Variants in KHK observed in about 807,000 individuals in gnomAD.
KHK encodes fructokinase.
In KHK, 37 loss-of-function variants were observed where a neutral mutation model predicts 36.0. That is an observed-to-expected ratio of 1.03 (90% confidence interval 0.79 to 1.35). The LOEUF is 1.35. Ranked by LOEUF, KHK falls within the 40% of genes most tolerant of loss-of-function variation. The pLI, the probability that KHK is intolerant of heterozygous loss-of-function variation, is 0.00. For missense variants in KHK, 395 were observed against 391.9 expected, an observed-to-expected ratio of 1.01 and a Z score of -0.07; for synonymous variants, 161 against 162.8, an observed-to-expected ratio of 0.99 and a Z score of 0.08.
rs1670717998 is a variant in KHK at position 27,100,096 on chromosome 2, G to A, written c.*346G>A. On this transcript the variant is annotated 3_prime_UTR_variant, in exon 8 of 8. Coordinates refer to ENST00000260598, the MANE Select transcript of KHK (RefSeq NM_006488.3). ...CCCAGGCCCAGAGGAGGGGCTGCCTGGGCTAGAGCAGCGAGAAGTGCCCTG... is the reference window on the plus strand; with the variant it reads ...CCCAGGCCCAGAGGAGGGGCTGCCTAGGCTAGAGCAGCGAGAAGTGCCCTG... The A allele has an allele frequency of 2.6e-5, 15 of 586,364 alleles. 1 individual carries two copies. The South Asian group carries it at 2.8e-4, about 11-fold the overall frequency. 36.3% of individuals were successfully genotyped at this position (586,364 alleles called of 1,614,324 possible).
Position 27,100,572 on chromosome 2 carries a change from G to C in KHK, c.*822G>C, listed in dbSNP as rs189380151. ...TAATGTAAAGAGCATATAATGTAAA[G>C]GGCTTTAGAGTGAGACAGACCTGGA... is the stretch of plus-strand genomic sequence containing the variant. On this transcript the variant is annotated 3_prime_UTR_variant, in exon 8 of 8. Transcript: ENST00000260598. 36 of 1,283,160 alleles carry C rather than the reference G, an allele frequency of 2.8e-5. No homozygotes were observed. Among genetic ancestry groups the C allele is most frequent in the Admixed American group, 4.6e-5 (2 of 43,430 alleles). The allele number at this position is 1,283,160 out of a possible 1,614,324, so 79.5% of individuals were successfully genotyped here.
At chr2:27,091,696 GC>G (rs1670012628) in intron 1 of KHK, among the ~76,000 whole-genome samples, 1 of 152,192 alleles carries the variant, frequency 6.6e-6, no homozygotes, top group Non-Finnish European at 1.5e-5. Context: ...CATTTTTGCT[GC>G]TGATGACAAT....
rs186485338 is a variant in KHK, at chr2:27,096,386, C to T, written c.345-343C>T. Among the ~76,000 whole-genome samples the T allele has an allele frequency of 5.9e-5, 9 of 152,244 alleles. No individual in the cohort carries two copies. In the East Asian group the frequency reaches 1.5e-3, roughly 26 times the overall value. On this transcript the variant is annotated intron_variant, in intron 3 of 7. Coordinates refer to ENST00000260598, the MANE Select transcript of KHK (RefSeq NM_006488.3). ...TTCCCAGGGCTCTGCCTGTGGGAGC[C>T]GTGTGCTGCTGCAAGGGATTCTGGG...
chr2:27,097,251 A>T (rs1441120385), intron 4 of KHK, among the ~76,000 whole-genome samples: 1 of 152,366 alleles, frequency 6.6e-6, no homozygotes, highest in South Asian at 2.1e-4. Flanking sequence ...TTCTAGCTCC[A>T]TCATTTAACC....
intron 2 of KHK, 75 bp downstream of exon 2, chr2:27,092,523 T>A: frequency 5.7e-6 from 6 of 1,044,904 alleles, no homozygotes; most frequent in Non-Finnish European, 8.8e-6. Flanking sequence ...GTATCCACCC[T>A]GGGTGGATGG....
rs771496836 is a variant in KHK at position 27,096,729 on chromosome 2, G to A, written c.345G>A (p.Thr115=). The A allele has an allele frequency of 4.3e-6, 7 of 1,613,718 alleles. No homozygotes were observed. Among genetic ancestry groups the A allele is most frequent in the East Asian group, 2.2e-5 (1 of 44,886 alleles). Residue 115 remains threonine, a splice_region_variant and synonymous_variant, in exon 4 of 8, where the codon ACG becomes ACA. Transcript: ENST00000260598. The part of the protein sequence containing the change: ...NGNRTIVLHD[T]SLPDVSATDF... ...CTGTCTTTTCCATCCTGTGACCTAGGAGCCTGCCAGATGTGTCTGCTACAG... is the reference window on the plus strand; with the variant it reads ...CTGTCTTTTCCATCCTGTGACCTAGAAGCCTGCCAGATGTGTCTGCTACAG...
chr2:27,095,755 G>A (rs530405904), intron 3 of KHK, among the ~76,000 whole-genome samples: 38 of 152,326 alleles, frequency 2.5e-4, no homozygotes, highest in African/African-American at 8.9e-4. Context: ...CCTGACTGCC[G>A]GACCTGGAGG....
At chr2:27,095,990 C>T (rs1334035956) in intron 3 of KHK, among the ~76,000 whole-genome samples, 3 of 152,368 alleles carry the variant, frequency 2.0e-5, no homozygotes, top group Non-Finnish European at 2.9e-5. Flanking sequence ...CACACATTAC[C>T]TGCAACTGCA....
intron 1 of KHK, among the ~76,000 whole-genome samples, chr2:27,089,326 G>A (rs962736761): frequency 6.6e-6 from 1 of 152,214 alleles, no homozygotes; most frequent in African/African-American, 2.4e-5. Context: ...ATGCCACTGT[G>A]TAGACCTAAC....
intron 2 of KHK, among the ~76,000 whole-genome samples, chr2:27,094,047 T>C (rs1321628173): frequency 6.6e-6 from 1 of 152,150 alleles, no homozygotes; most frequent in African/African-American, 2.4e-5. Flanking sequence ...GGAGGACAGC[T>C]GGGGGCAAAG....
chr2:27,090,221 T>A (rs1055254877), intron 1 of KHK, among the ~76,000 whole-genome samples: 1 of 152,238 alleles, frequency 6.6e-6, no homozygotes, highest in Non-Finnish European at 1.5e-5. Flanking sequence ...TAAAATTCTA[T>A]ATCCTTTCTT....
intron 1 of KHK, among the ~76,000 whole-genome samples, chr2:27,089,035 G>T (rs1296714685): frequency 6.6e-6 from 1 of 152,140 alleles, no homozygotes; most frequent in African/African-American, 2.4e-5. Context: ...TCTCCTCCCA[G>T]CAGCCCATGG....
At chr2:27,094,749 G>T (rs895977779) in intron 2 of KHK, 51 bp from the exon 3 acceptor site, 4 of 1,613,752 alleles carry the variant, frequency 2.5e-6, no homozygotes, top group Non-Finnish European at 3.4e-6. Context: ...CCACTTCCAG[G>T]CTCTAATCTG....
Position 27,100,068 on chromosome 2 carries a change from C to T in KHK, c.*318C>T. ...GTGTCCATTCCCCAAATTAACCTCTCCGCCCAGGCCCAGAGGAGGGGCTGC... is the reference window on the plus strand; with the variant it reads ...GTGTCCATTCCCCAAATTAACCTCTTCGCCCAGGCCCAGAGGAGGGGCTGC... On this transcript the variant is annotated 3_prime_UTR_variant, in exon 8 of 8. Transcript: ENST00000260598. 1.6e-6 allele frequency: 1 copy of T among 613,736 alleles called. No individual in the cohort carries two copies. Among genetic ancestry groups the T allele is most frequent in the Non-Finnish European group, 2.9e-6 (1 of 349,186 alleles). The allele number at this position is 613,736 out of a possible 1,614,324, so 38.0% of individuals were successfully genotyped here. A position where few individuals can be genotyped will look rare whatever the true frequency, so the allele number is the denominator to read the frequency against.
chr2:27,096,361 T>G (rs1369284932), intron 3 of KHK, among the ~76,000 whole-genome samples: 3 of 152,104 alleles, frequency 2.0e-5, no homozygotes, highest in Admixed American at 6.5e-5. Flanking sequence ...GCTTTATACT[T>G]TCCCAGGGCT....
chr2:27,099,751 G>C lies in KHK; in HGVS notation c.*1G>C. ...GCAGGGCTTTGATGGCATCGTGTGAGAGCAGGTGCCGGCTCCTCACACACC... is the reference window on the plus strand; with the variant it reads ...GCAGGGCTTTGATGGCATCGTGTGACAGCAGGTGCCGGCTCCTCACACACC... On this transcript the variant is annotated 3_prime_UTR_variant, in exon 8 of 8. Transcript: ENST00000260598. 6.2e-7 allele frequency: 1 copy of C among 1,613,930 alleles called. No homozygotes were observed. Among genetic ancestry groups the C allele is most frequent in the Non-Finnish European group, 8.5e-7 (1 of 1,179,928 alleles).
intron 5 of KHK, 28 bp from the exon 6 acceptor site, chr2:27,099,168 C>A: frequency 6.2e-7 from 1 of 1,608,970 alleles, no homozygotes; most frequent in Middle Eastern, 1.7e-4. Context: ...TTAGAAGTGA[C>A]CACCAGCTTC....
At chr2:27,091,797 C>T (rs1056907529) in intron 1 of KHK, among the ~76,000 whole-genome samples, 1 of 152,208 alleles carries the variant, frequency 6.6e-6, no homozygotes, top group Non-Finnish European at 1.5e-5. Context: ...TCTTAAACGA[C>T]CAACGTCCAG....
intron 5 of KHK, 100 bp downstream of exon 5, chr2:27,097,749 G>A (rs1382868113): frequency 1.3e-6 from 2 of 1,540,690 alleles, no homozygotes; most frequent in African/African-American, 2.7e-5. Context: ...TGGAATAGTG[G>A]TTCCTGGTTT....
Sources: allele counts gnomAD v4.1 joint callset (sites outside exome capture counted in the v4.1 genomes callset), GRCh38; gene constraint gnomAD v4.1.1; transcripts MANE v1.5; gene names NCBI Gene and HGNC (gene_info 2026-07-23, HGNC 2026-07-21).